The following TRIM49 variants were observed in gnomAD, a reference collection of about 807,000 sequenced individuals.
The protein encoded by TRIM49 is tripartite motif containing 49, also known as tripartite motif-containing protein 49.
In TRIM49, 5 loss-of-function variants were observed where a neutral mutation model predicts 27.4. The observed-to-expected ratio is 0.18, with a 90% CI of 0.10 to 0.38. The LOEUF is 0.38. Among genes scored for constraint, TRIM49 ranks in the 10% least tolerant of loss-of-function variants. The pLI is 1.00. For synonymous variants in TRIM49, 69 were observed against 166.0 expected, an observed-to-expected ratio of 0.42 and a Z score of 4.49; for missense variants, 188 against 487.5, an observed-to-expected ratio of 0.39 and a Z score of 5.79.
chr11:89,790,876 G>A, the TRIM49 span, among the ~76,000 whole-genome samples: 1 of 152,162 alleles, frequency 6.6e-6, no homozygotes, highest in African/African-American at 2.4e-5. Context: ...ATCCTCACCA[G>A]CAATGGAACG....
chr11:89,773,186 G>A, the TRIM49 span, among the ~76,000 whole-genome samples: 5 of 134,600 alleles, frequency 3.7e-5, no homozygotes, highest in South Asian at 2.3e-4. Flanking sequence ...GGGAGACTGC[G>A]TCTCAAAAAA....
At chr11:89,795,978 C>T (rs1284242618), downstream of TRIM49, among the ~76,000 whole-genome samples, 1 of 151,872 alleles carries the variant, frequency 6.6e-6, no homozygotes, top group African/African-American at 2.4e-5. Context: ...ATAATTACTG[C>T]TTACCTAGAT....
At chr11:89,773,545 T>C in the TRIM49 span, among the ~76,000 whole-genome samples, 11 of 127,158 alleles carry the variant, frequency 8.7e-5, no homozygotes, top group Non-Finnish European at 1.4e-4. Flanking sequence ...GATGTGTTGG[T>C]AATCCCAGTT....
chr11:89,791,516 G>A, the TRIM49 span, among the ~76,000 whole-genome samples: 1 of 150,752 alleles, frequency 6.6e-6, no homozygotes, highest in Non-Finnish European at 1.5e-5. Flanking sequence ...ACCCACAAAG[G>A]GAAGCCCATC....
At chr11:89,795,917 A>G (rs1242182902), downstream of TRIM49, among the ~76,000 whole-genome samples, 1 of 151,948 alleles carries the variant, frequency 6.6e-6, no homozygotes, top group East Asian at 2.0e-4. Flanking sequence ...CAGAGAAGAC[A>G]TCTCCAGAGA....
At chr11:89,795,676 G>T (rs1250168280), downstream of TRIM49, among the ~76,000 whole-genome samples, 1 of 133,170 alleles carries the variant, frequency 7.5e-6, no homozygotes, top group Non-Finnish European at 1.6e-5. Context: ...TCATAGGTGG[G>T]AATTGAACAG....
chr11:89,800,207 T>G (rs1302721305), intron 6 of TRIM49, among the ~76,000 whole-genome samples: 1 of 151,506 alleles, frequency 6.6e-6, no homozygotes, highest in Non-Finnish European at 1.5e-5. Context: ...AATGGAAACT[T>G]GTTCTCTCCC....
In TRIM49 at chr11:89,798,246, A is replaced by C; in HGVS notation, c.1243T>G (p.Cys415Gly). 6.4e-7 allele frequency: 1 copy of C among 1,571,644 alleles called. No individual in the cohort carries two copies. Among genetic ancestry groups the C allele is most frequent in the African/African-American group, 1.6e-5 (1 of 62,404 alleles). ...PTSRVGLFLDCEAKTVSFVDV... is the reference protein window; with the variant it reads ...PTSRVGLFLDGEAKTVSFVDV... ...ACAAAGCTCACAGTCTTAGCCTCACAATCCAGGAATAATCCTACTCGGCTG... is the reference window on the plus strand; with the variant it reads ...ACAAAGCTCACAGTCTTAGCCTCACCATCCAGGAATAATCCTACTCGGCTG... Residue 415 changes from cysteine to glycine, a missense_variant, in exon 8 of 8, where the codon TGT becomes GGT. Physicochemically the swap from Cys to Gly is radical, Grantham distance 159. Coordinates refer to ENST00000329758, the MANE Select transcript of TRIM49 (RefSeq NM_020358.2).
the TRIM49 span, chr11:89,777,171 C>T: frequency 7.1e-6 from 11 of 1,548,776 alleles, no homozygotes; most frequent in South Asian, 2.4e-5. Context: ...AGCCCAACTT[C>T]AACACCAATG....
the TRIM49 span, chr11:89,776,970 T>A: frequency 6.6e-7 from 1 of 1,513,182 alleles, no homozygotes; most frequent in South Asian, 1.3e-5. Context: ...TTTTTTTTAA[T>A]TTTCAGAAAC....
At chr11:89,792,967 GA>G (rs1949665114), downstream of TRIM49, among the ~76,000 whole-genome samples, 4 of 152,106 alleles carry the variant, frequency 2.6e-5, no homozygotes, top group South Asian at 2.1e-4. Flanking sequence ...CTGGTTTTTT[GA>G]AAAGATCAAC....
chr11:89,772,001 CTG>C, the TRIM49 span, among the ~76,000 whole-genome samples: 1 of 117,392 alleles, frequency 8.5e-6, no homozygotes, highest in South Asian at 2.8e-4. Context: ...GGTTGGAACT[CTG>C]TGAGTCACTT....
chr11:89,785,005 G>C, the TRIM49 span, among the ~76,000 whole-genome samples: 1 of 150,112 alleles, frequency 6.7e-6, no homozygotes, highest in Admixed American at 6.6e-5. Flanking sequence ...ATAAATCAGA[G>C]AGATCACTAA....
chr11:89,785,909 C>T, the TRIM49 span: 1 of 142,536 alleles, frequency 7.0e-6, no homozygotes, highest in South Asian at 2.2e-4. Flanking sequence ...CTAGGCTTTC[C>T]CGGACGGTGC....
At chr11:89,773,140 G>A in the TRIM49 span, among the ~76,000 whole-genome samples, 1 of 136,392 alleles carries the variant, frequency 7.3e-6, no homozygotes. Context: ...GCAGTGAGCT[G>A]AGATCATGCC....
At chr11:89,768,335 A>T in the TRIM49 span, 2 of 1,313,832 alleles carry the variant, frequency 1.5e-6, no homozygotes, top group Non-Finnish European at 2.1e-6. Flanking sequence ...TTTGTGTTTA[A>T]GAAATAGATT....
the TRIM49 span, chr11:89,787,198 G>T: frequency 0.14 from 30,478 of 222,318 alleles, 200 homozygotes; most frequent in East Asian, 0.27. Context: ...AGCTGTCCGC[G>T]CTGACGCCGG....
chr11:89,768,624 T>G, the TRIM49 span, among the ~76,000 whole-genome samples: 1 of 134,988 alleles, frequency 7.4e-6, no homozygotes, highest in African/African-American at 3.5e-5. Flanking sequence ...TAAGAAAAGT[T>G]TAATGTCTGA....
At position 89,807,775 on chromosome 11, in the gene TRIM49, G is replaced by A. The variant is rs1431398371; in HGVS notation, c.-190-491C>T. Among the ~76,000 whole-genome samples, 13 of 150,498 alleles carry A rather than the reference G, an allele frequency of 8.6e-5. No individual in the cohort carries two copies. The East Asian group carries it at 1.4e-3, about 16-fold the overall frequency. The stretch of plus-strand genomic sequence containing the variant: ...GTTCTCCAACTCCTGGCTTCAAGTG[G>A]TCCTCTGGTCTCGGCCTTCCAAAGT... On this transcript the variant is annotated intron_variant, in intron 1 of 7. Coordinates refer to ENST00000329758, the MANE Select transcript of TRIM49 (RefSeq NM_020358.2).
Sources: gnomAD v4.1 joint callset for allele counts (sites outside exome capture counted in the v4.1 genomes callset) on GRCh38, gnomAD v4.1.1 for gene constraint, MANE v1.5 for transcripts, NCBI Gene and HGNC (gene_info 2026-07-23, HGNC 2026-07-21) for gene names.